Variants in DCTN4 observed in about 807,000 individuals in gnomAD.
DCTN4 encodes the protein dynactin subunit 4, also known as dynactin 4 (p62).
A neutral mutation model predicts 62.7 loss-of-function variants in DCTN4; 23 were observed. That is an observed-to-expected ratio of 0.37 (90% CI 0.26 to 0.52). The LOEUF is 0.52. Ranked by LOEUF, DCTN4 falls within the 20% of genes least tolerant of loss-of-function variation. The probability of loss-of-function intolerance (pLI) is 0.92; values close to 1 mark genes in which losing one functional copy is unlikely to be tolerated. For missense variants in DCTN4, 514 were observed against 580.4 expected (o/e 0.89, Z 1.18); for synonymous variants, 199 against 202.1 (o/e 0.98, Z 0.13).
rs187535644 is a variant in DCTN4, at chr5:150,727,503, G to A, written c.834+3128C>T. 4.3e-4 allele frequency among the ~76,000 whole-genome samples: 65 copies of A among 152,142 alleles called. 1 individual carries two copies. In the East Asian group the frequency reaches 7.0e-3, roughly 16 times the overall value. On this transcript the variant is annotated intron_variant, in intron 8 of 12. Transcript: ENST00000447998. ...ATTAAACCCAATAAGCAGGCCGGGC[G>A]CGGTGGCTCACGCCTGTAATCCCAG... is the stretch of plus-strand genomic sequence containing the variant.
At chr5:150,731,204 T>C (rs1760352229) in intron 6 of DCTN4, 48 bp from the exon 7 acceptor site, 1 of 1,301,264 alleles carries the variant, frequency 7.7e-7, no homozygotes, top group African/African-American at 1.5e-5. Flanking sequence ...GAGTAATTTC[T>C]CACGGATCCA....
rs577042478 is a variant in DCTN4, at chr5:150,714,067, G to C, written c.1169+1498C>G. Among the ~76,000 whole-genome samples the C allele has an allele frequency of 1.9e-4, 29 of 151,944 alleles. No homozygotes were observed. The East Asian group carries it at 5.6e-3, about 30-fold the overall frequency. On this transcript the variant is annotated intron_variant, in intron 12 of 12. Coordinates refer to ENST00000447998, the MANE Select transcript of DCTN4 (RefSeq NM_016221.4). ...GGGAGGTGGAGGTTGCAGTGAGCAG[G>C]AGATCACGCCATTGCACTCCAGCCT...
intron 2 of DCTN4, among the ~76,000 whole-genome samples, chr5:150,754,084 G>A (rs1299292476): frequency 1.3e-5 from 2 of 152,216 alleles, no homozygotes; most frequent in Non-Finnish European, 2.9e-5. Flanking sequence ...CTGTGCCAGA[G>A]AGCTTCAACA....
chr5:150,749,940 TC>T (rs1413918913), intron 3 of DCTN4, among the ~76,000 whole-genome samples: 3 of 152,130 alleles, frequency 2.0e-5, no homozygotes. Flanking sequence ...CAGATGAACC[TC>T]AATAGCATTA....
chr5:150,727,558 C>T (rs1214070529), intron 8 of DCTN4, among the ~76,000 whole-genome samples: 3 of 152,040 alleles, frequency 2.0e-5, no homozygotes, highest in East Asian at 1.9e-4. Flanking sequence ...GGGCGGATCA[C>T]GAGGTCAGAA....
At chr5:150,719,867 T>TA (rs1759897137) in intron 9 of DCTN4, 97 bp from the exon 10 acceptor site, 4 of 727,920 alleles carry the variant, frequency 5.5e-6, no homozygotes, top group Non-Finnish European at 8.9e-6. Flanking sequence ...GATTTCATGT[T>TA]AATTAGAATG....
In DCTN4 at chr5:150,735,505, C is replaced by T. The variant is rs547825120; in HGVS notation, c.430-2030G>A. ...ACTGCATCACTGGACTCTTTGCAGA[C>T]ACTCCCCAGTACCAGCTCGGAGACT... On this transcript the variant is annotated intron_variant, in intron 4 of 12. Transcript: ENST00000447998. Among the ~76,000 whole-genome samples, 3 of 152,342 alleles carry T rather than the reference C, an allele frequency of 2.0e-5. No individual in the cohort carries two copies. In the South Asian group the frequency reaches 6.2e-4, roughly 32 times the overall value.
intron 3 of DCTN4, among the ~76,000 whole-genome samples, chr5:150,742,651 G>C (rs935716213): frequency 6.6e-6 from 1 of 152,098 alleles, no homozygotes; most frequent in Non-Finnish European, 1.5e-5. Context: ...AATCACAAAG[G>C]AAAAGATTAT....
chr5:150,725,289 C>T (rs1323309724), intron 8 of DCTN4, among the ~76,000 whole-genome samples: 3 of 151,484 alleles, frequency 2.0e-5, no homozygotes, highest in African/African-American at 4.8e-5. Context: ...AGGTAGATTC[C>T]TAAAAGTGAA....
intron 12 of DCTN4, among the ~76,000 whole-genome samples, chr5:150,712,446 G>A (rs532147276): frequency 6.6e-6 from 1 of 152,002 alleles, no homozygotes; most frequent in African/African-American, 2.4e-5. Flanking sequence ...TTATTTTTTA[G>A]AGACAAGGTT....
chr5:150,721,435 A>G, intron 9 of DCTN4, among the ~76,000 whole-genome samples: 1 of 152,162 alleles, frequency 6.6e-6, no homozygotes, highest in Non-Finnish European at 1.5e-5. Context: ...TGTTGGGTTA[A>G]AAGGTCTATG....
chr5:150,742,539 C>G (rs1760805942), intron 3 of DCTN4, among the ~76,000 whole-genome samples: 1 of 152,216 alleles, frequency 6.6e-6, no homozygotes, highest in South Asian at 2.1e-4. Context: ...CAAACTCAGT[C>G]TGACTCCGGA....
intron 8 of DCTN4, among the ~76,000 whole-genome samples, chr5:150,727,377 A>C (rs1760183441): frequency 2.0e-5 from 3 of 152,198 alleles, no homozygotes; most frequent in Admixed American, 1.3e-4. Context: ...CATTTAATAT[A>C]TGTATATAAA....
intron 9 of DCTN4, among the ~76,000 whole-genome samples, chr5:150,720,536 C>A (rs550129542): frequency 6.7e-6 from 1 of 149,086 alleles, no homozygotes; most frequent in Admixed American, 6.7e-5. Context: ...TGGAGTGTAA[C>A]GGCACAATCA....
chr5:150,727,058 C>T (rs1284027731), intron 8 of DCTN4, among the ~76,000 whole-genome samples: 2 of 151,926 alleles, frequency 1.3e-5, no homozygotes, highest in East Asian at 1.9e-4. Context: ...GGGTTAGGGG[C>T]GGTGGGGAAG....
chr5:150,758,894 T>A lies in DCTN4; in HGVS notation c.100A>T (p.Ser34Cys). The change falls in exon 1 of 13, where the codon AGC (serine) becomes TGC (cysteine). Residue 34 changes from serine to cysteine, a missense_variant. Coordinates refer to ENST00000447998, the MANE Select transcript of DCTN4 (RefSeq NM_016221.4). ...ACACATTCCAGCGACCGCAGTTCGC[T>A]ACAATAGCGGCAGAAGTAGAGTTGC... ...LSQLYFCRYC[S>C]ELRSLECVSH... 6.2e-7 allele frequency: 1 copy of A among 1,613,974 alleles called. No homozygotes were observed. The highest frequency in any genetic ancestry group is 8.5e-7 in the Non-Finnish European group (1 of 1,179,976).
At chr5:150,750,781 GATT>G (rs1423464901) in intron 3 of DCTN4, among the ~76,000 whole-genome samples, 2 of 152,184 alleles carry the variant, frequency 1.3e-5, no homozygotes, top group Non-Finnish European at 2.9e-5. Context: ...TCAGGATTGT[GATT>G]ATTATCTCTA....
Position 150,718,424 on chromosome 5 carries a change from T to A in DCTN4, c.964-41A>T, listed in dbSNP as rs188421604. ...CACATCTCTCAGACATTCGCCACTT[T>A]CTTAGCTGCTATACCGAATATTTCG... is the stretch of plus-strand genomic sequence containing the variant. On this transcript the variant is annotated intron_variant, in intron 10 of 12. Transcript: ENST00000447998. 1,275 of 1,451,820 alleles carry A rather than the reference T, an allele frequency of 8.8e-4. 20 individuals carry two copies. The highest frequency in any genetic ancestry group is 6.3e-3 in the Middle Eastern group (36 of 5,758). The allele number at this position is 1,451,820 out of a possible 1,614,324, so 89.9% of individuals were successfully genotyped here. A position where few individuals can be genotyped will look rare whatever the true frequency, so the allele number is the denominator to read the frequency against.
At chr5:150,734,967 C>A (rs1404854506) in intron 4 of DCTN4, among the ~76,000 whole-genome samples, 1 of 152,210 alleles carries the variant, frequency 6.6e-6, no homozygotes, top group African/African-American at 2.4e-5. Context: ...AACTGTCCTT[C>A]ACAGCAGCTG....
Sources: gnomAD v4.1 joint callset for allele counts (sites outside exome capture counted in the v4.1 genomes callset) on GRCh38, gnomAD v4.1.1 for gene constraint, MANE v1.5 for transcripts, NCBI Gene and HGNC (gene_info 2026-07-23, HGNC 2026-07-21) for gene names.